HACD4: variants seen among roughly 807,000 people sequenced by gnomAD.
HACD4 encodes very-long-chain (3R)-3-hydroxyacyl-CoA dehydratase 4.
HACD4 carries 35 observed loss-of-function variants against 33.3 expected under a neutral mutation model. That is an observed-to-expected ratio of 1.05 (90% CI 0.80 to 1.39). The LOEUF (loss-of-function observed/expected upper bound fraction) is 1.39. HACD4 is among the 40% of genes most tolerant of loss of function. HACD4 has a pLI of 0.00. For missense variants in HACD4, 323 were observed against 276.5 expected, an observed-to-expected ratio of 1.17 and a Z score of -1.19; for synonymous variants, 118 against 98.0, an observed-to-expected ratio of 1.20 and a Z score of -1.21.
At chr9:21,010,418 G>A (rs577643798) in intron 5 of HACD4, among the ~76,000 whole-genome samples, 2 of 146,286 alleles carry the variant, frequency 1.4e-5, no homozygotes, top group South Asian at 2.2e-4. Flanking sequence ...GCATAAAAGA[G>A]AGGAAGGAAG....
At chr9:21,027,673 C>A (rs779237681) in intron 2 of HACD4, among the ~76,000 whole-genome samples, 23 of 152,194 alleles carry the variant, frequency 1.5e-4, no homozygotes, top group Non-Finnish European at 2.6e-4. Flanking sequence ...AGGTATAACA[C>A]GTTCAGGGTT....
chr9:21,023,676 G>C (rs1817989669), intron 3 of HACD4, among the ~76,000 whole-genome samples: 1 of 150,692 alleles, frequency 6.6e-6, no homozygotes. Flanking sequence ...CAGGGTTCAA[G>C]TGATTCTCCT....
rs866599335 is a variant in HACD4 at position 21,025,358 on chromosome 9, A to G, written c.270+1238T>C. On this transcript the variant is annotated intron_variant, in intron 3 of 6. Transcript: ENST00000495827. ...TATGATATTTTAGACAAATTTTAAT[A>G]TAAGGATCTATACCACTCTTTCATT... Among the ~76,000 whole-genome samples the G allele has an allele frequency of 5.3e-5, 8 of 152,082 alleles. No individual in the cohort carries two copies. In the South Asian group the frequency reaches 6.2e-4, roughly 12 times the overall value.
intron 3 of HACD4, among the ~76,000 whole-genome samples, chr9:21,016,993 T>C (rs1842571615): frequency 1.3e-5 from 2 of 152,224 alleles, no homozygotes; most frequent in Non-Finnish European, 2.9e-5. Context: ...TCTTATGTTA[T>C]ATTAATATAT....
At chr9:21,011,396 T>A (rs960924609) in intron 5 of HACD4, among the ~76,000 whole-genome samples, 193 bp downstream of exon 5, 1 of 152,240 alleles carries the variant, frequency 6.6e-6, no homozygotes, top group African/African-American at 2.4e-5. Context: ...TTGTCCAGTA[T>A]TTTGTCTACT....
chr9:21,026,776 A>T, intron 2 of HACD4, 53 bp from the exon 3 acceptor site: 13 of 1,491,772 alleles, frequency 8.7e-6, no homozygotes, highest in Non-Finnish European at 1.2e-5. Context: ...CTGGATTATA[A>T]CCCAAATTTA....
chr9:21,023,715 C>G (rs143537956), intron 3 of HACD4, among the ~76,000 whole-genome samples: 1 of 152,088 alleles, frequency 6.6e-6, no homozygotes, highest in Non-Finnish European at 1.5e-5. Flanking sequence ...GCTGGGATCA[C>G]AGGCACGCGC....
chr9:21,009,400 C>T (rs892539073), intron 5 of HACD4, among the ~76,000 whole-genome samples: 2 of 152,028 alleles, frequency 1.3e-5, no homozygotes, highest in African/African-American at 2.4e-5. Flanking sequence ...CATATAAGAA[C>T]ATGGCTTTCC....
At chr9:21,019,204 C>T (rs1817836066) in intron 3 of HACD4, among the ~76,000 whole-genome samples, 1 of 152,018 alleles carries the variant, frequency 6.6e-6, no homozygotes, top group Non-Finnish European at 1.5e-5. Context: ...GTGAACAAGA[C>T]CAAGCCCCTG....
Position 21,008,138 on chromosome 9 carries a change from T to C in HACD4, c.499A>G (p.Ile167Val), listed in dbSNP as rs778994859. The change falls in exon 6 of 7, where the codon ATC (isoleucine) becomes GTC (valine). Residue 167 changes from isoleucine to valine, a missense_variant. Transcript: ENST00000495827. ...PLCVLAEAFA[I>V]YQSLPYFESF... is the part of the protein sequence containing the mutation. ...TCAAAATAAGGCAGCGATTGATAGA[T>C]GGCAAATGCTGTTAAAAAAGAAAGG... 3.7e-6 allele frequency: 6 copies of C among 1,605,636 alleles called. No homozygotes were observed. The highest frequency in any genetic ancestry group is 5.1e-6 in the Non-Finnish European group (6 of 1,176,594).
intron 6 of HACD4, among the ~76,000 whole-genome samples, 183 bp from the exon 7 acceptor site, chr9:21,007,302 C>T (rs1365248685): frequency 6.6e-6 from 1 of 152,150 alleles, no homozygotes; most frequent in Non-Finnish European, 1.5e-5. Context: ...GTAAATCAAA[C>T]TCTTCCATCC....
chr9:21,009,400 C>G (rs892539073), intron 5 of HACD4, among the ~76,000 whole-genome samples: 1 of 152,028 alleles, frequency 6.6e-6, no homozygotes, highest in South Asian at 2.1e-4. Flanking sequence ...CATATAAGAA[C>G]ATGGCTTTCC....
At chr9:21,022,966 C>T (rs1248295899) in intron 3 of HACD4, among the ~76,000 whole-genome samples, 1 of 152,084 alleles carries the variant, frequency 6.6e-6, no homozygotes, top group Non-Finnish European at 1.5e-5. Context: ...TTGGAACCAA[C>T]CCAAATGCCC....
intron 3 of HACD4, among the ~76,000 whole-genome samples, chr9:21,019,934 T>G (rs1206780254): frequency 6.6e-6 from 1 of 152,150 alleles, no homozygotes; most frequent in Non-Finnish European, 1.5e-5. Flanking sequence ...GGGTAAAATC[T>G]GGCTTTTTGC....
chr9:21,030,861 GAA>G lies in HACD4; in HGVS notation c.38+690_38+691del, dbSNP rs796458580. Among the ~76,000 whole-genome samples, 75 of 152,314 alleles carry G rather than the reference GAA, an allele frequency of 4.9e-4. 1 individual carries two copies. The highest frequency in any genetic ancestry group is 1.7e-3 in the African/African-American group (70 of 41,560). ...CAGATAGATGGTTTGAGGGAGTTAG[GAA>G]AAGCACTGTTTGAAATGTTCCCTGG... On this transcript the variant is annotated intron_variant, in intron 1 of 6. Transcript: ENST00000495827.
rs575279191 is a variant in HACD4, at chr9:21,014,788, G to T, written c.383+1110C>A. 4.9e-4 allele frequency among the ~76,000 whole-genome samples: 74 copies of T among 152,310 alleles called. 2 individuals carry two copies. The South Asian group carries it at 0.015, about 31-fold the overall frequency. On this transcript the variant is annotated intron_variant, in intron 4 of 6. Coordinates refer to ENST00000495827, the MANE Select transcript of HACD4 (RefSeq NM_001010915.5). ...AACATCACTTAGCAAGTAAGTAGTG[G>T]AGGTGGGTTTCATCTAGAGAGATCT...
chr9:21,008,337 G>A (rs1409181181), intron 5 of HACD4, among the ~76,000 whole-genome samples, 191 bp from the exon 6 acceptor site: 5 of 152,166 alleles, frequency 3.3e-5, no homozygotes, highest in Non-Finnish European at 7.4e-5. Context: ...GGTGCTTACA[G>A]CAGTATGACT....
chr9:21,020,109 G>T (rs1363960757), intron 3 of HACD4, among the ~76,000 whole-genome samples: 1 of 151,918 alleles, frequency 6.6e-6, no homozygotes, highest in Non-Finnish European at 1.5e-5. Context: ...ATGTGATTTG[G>T]GCTCATAAAT....
chr9:21,018,536 A>G (rs566302103), intron 3 of HACD4, among the ~76,000 whole-genome samples: 1 of 152,298 alleles, frequency 6.6e-6, no homozygotes, highest in South Asian at 2.1e-4. Flanking sequence ...ACACCAAAAC[A>G]ATTTTGAAGA....
Sources: allele counts gnomAD v4.1 joint callset (sites outside exome capture counted in the v4.1 genomes callset), GRCh38; gene constraint gnomAD v4.1.1; transcripts MANE v1.5; gene names NCBI Gene and HGNC (gene_info 2026-07-23, HGNC 2026-07-21).